SDC1: variants seen among roughly 807,000 people sequenced by gnomAD.
SDC1 encodes syndecan-1.
A neutral mutation model predicts 29.7 loss-of-function variants in SDC1; 14 were observed. That is an observed-to-expected ratio of 0.47 (90% CI 0.31 to 0.74). The LOEUF (loss-of-function observed/expected upper bound fraction) is 0.74, where lower values mean the gene tolerates loss of function less well. Ranked by LOEUF, SDC1 falls within the 30% of genes least tolerant of loss-of-function variation. The pLI, the probability that SDC1 is intolerant of heterozygous loss-of-function variation, is 0.05. For synonymous variants in SDC1, 204 were observed against 175.5 expected (o/e 1.16, Z -1.29); for missense variants, 406 against 400.3 (o/e 1.01, Z -0.12).
Position 20,203,195 on chromosome 2 carries a change from T to C in SDC1, c.655A>G (p.Asn219Asp). ...GGCTCCACGGCCACTACAGCCGTAT[T>C]CTCCCCCGAGGTTTCAAAGGTGAAG... ...QDFTFETSGE[N>D]TAVVAVEPDR... The change falls in exon 4 of 5, where the codon AAT (asparagine) becomes GAT (aspartate). Residue 219 changes from asparagine to aspartate, a missense_variant. Asn to Asp is a conservative substitution (Grantham distance 23). Coordinates refer to ENST00000254351, the MANE Select transcript of SDC1 (RefSeq NM_002997.5). The C allele has an allele frequency of 1.2e-6, 2 of 1,610,766 alleles. No individual in the cohort carries two copies. The highest frequency in any genetic ancestry group is 1.7e-6 in the Non-Finnish European group (2 of 1,177,994).
At chr2:20,205,483 G>C (rs1331134342) in intron 1 of SDC1, 59 bp from the exon 2 acceptor site, 6 of 1,419,986 alleles carry the variant, frequency 4.2e-6, no homozygotes, top group Non-Finnish European at 6.0e-6. Flanking sequence ...TGCTGCTCCT[G>C]GGTCCTCTCC....
chr2:20,218,534 CACACACACAG>C (rs1677706588), intron 1 of SDC1, among the ~76,000 whole-genome samples: 1 of 144,970 alleles, frequency 6.9e-6, no homozygotes, highest in East Asian at 2.1e-4. Context: ...CACAGACACA[CACACACACAG>C]ACACACACAC....
intron 1 of SDC1, among the ~76,000 whole-genome samples, chr2:20,212,494 G>C (rs1241062541): frequency 6.6e-6 from 1 of 152,188 alleles, no homozygotes; most frequent in African/African-American, 2.4e-5. Flanking sequence ...AACACAGCCC[G>C]CCAGGGAGGC....
At chr2:20,212,971 A>G (rs536174211) in intron 1 of SDC1, among the ~76,000 whole-genome samples, 100 of 152,322 alleles carry the variant, frequency 6.6e-4, no homozygotes, top group Non-Finnish European at 1.1e-3. Flanking sequence ...AGGGCTTTAC[A>G]GATGGGAAGC....
intron 1 of SDC1, among the ~76,000 whole-genome samples, chr2:20,212,543 G>A (rs886190829): frequency 1.8e-4 from 27 of 152,210 alleles, no homozygotes; most frequent in African/African-American, 5.5e-4. Context: ...CTCCAGACCC[G>A]AAATCCCCCA....
chr2:20,223,260 A>T (rs1677878192), intron 1 of SDC1: 1 of 1,300,704 alleles, frequency 7.7e-7, no homozygotes, highest in Non-Finnish European at 1.0e-6. Flanking sequence ...TCCCTACCTC[A>T]TCTCCCATGA....
rs1677881437 is a variant in SDC1, at chr2:20,223,337, G to A, written c.66+1465C>T. On this transcript the variant is annotated intron_variant, in intron 1 of 4. Coordinates refer to ENST00000254351, the MANE Select transcript of SDC1 (RefSeq NM_002997.5). ...ACTGGCAGCTACTACACGAGGCAAC[G>A]CTTACGGAGGGTCAGCGCTGCTGAG... 9 of 1,263,228 alleles carry A rather than the reference G, an allele frequency of 7.1e-6. No individual in the cohort carries two copies. In the African/African-American group the frequency reaches 7.7e-5, roughly 11 times the overall value. 78.3% of individuals were successfully genotyped at this position (1,263,228 alleles called of 1,614,324 possible).
chr2:20,202,440 T>TC lies in SDC1; in HGVS notation c.*325dup, dbSNP rs1257089381. On this transcript the variant is annotated 3_prime_UTR_variant, in exon 5 of 5. Transcript: ENST00000254351. ...GCCATTTAGGTCCAAAGCAGTCGGA[T>TC]CCCCCTCCCCTCCAGAGCTGGACCT... 1.6e-4 allele frequency: 98 copies of TC among 605,538 alleles called. No homozygotes were observed. The African/African-American group carries it at 1.6e-3, about 10-fold the overall frequency. The allele number at this position is 605,538 out of a possible 1,614,324, so 37.5% of individuals were successfully genotyped here.
rs372133355 is a variant in SDC1, at chr2:20,212,353, C to T, written c.67-6929G>A. 2.7e-4 allele frequency among the ~76,000 whole-genome samples: 41 copies of T among 152,326 alleles called. No homozygotes were observed. The South Asian group carries it at 7.9e-3, about 29-fold the overall frequency. On this transcript the variant is annotated intron_variant, in intron 1 of 4. Transcript: ENST00000254351. Reference sequence around the variant, plus strand: ...GAGGTTTGGCCAAAATGGTGGGACTCGTGGGAGTAGGCAGCAGGGCAGGGC... The same window carrying T: ...GAGGTTTGGCCAAAATGGTGGGACTTGTGGGAGTAGGCAGCAGGGCAGGGC...
In SDC1 at chr2:20,205,401, G is replaced by A. The variant is rs374157862; in HGVS notation, c.90C>T (p.Pro30=). Residue 30 remains proline, a synonymous_variant, in exon 2 of 5, where the codon CCC becomes CCT. Transcript: ENST00000254351. ...CCCCAGAGCCATCTTGATCTTCAGG[G>A]GGCAAATTAGTAGCCACAATTTGCT... ...ALPQIVATNL[P]PEDQDGSGDD... 1.2e-6 allele frequency: 2 copies of A among 1,613,992 alleles called. No homozygotes were observed. Among genetic ancestry groups the A allele is most frequent in the East Asian group, 2.2e-5 (1 of 44,876 alleles).
Position 20,202,873 on chromosome 2 carries a change from A to G in SDC1, c.826T>C (p.Tyr276His). The G allele has an allele frequency of 1.2e-6, 2 of 1,613,770 alleles. No individual in the cohort carries two copies. Among genetic ancestry groups the G allele is most frequent in the South Asian group, 2.2e-5 (2 of 91,036 alleles). Reference sequence around the variant, plus strand: ...CCTTCGTCCTTCTTCTTCATGCGGTACAGCATGAAACCCACCAGGCACACA... The same window carrying G: ...CCTTCGTCCTTCTTCTTCATGCGGTGCAGCATGAAACCCACCAGGCACACA... The part of the protein sequence containing the change: ...FAVCLVGFML[Y>H]RMKKKDEGSY... The change falls in exon 5 of 5, where the codon TAC becomes CAC. Residue 276 changes from tyrosine (Y) to histidine (H), a missense_variant. Transcript: ENST00000254351.
chr2:20,207,352 A>G (rs1572463650), intron 1 of SDC1: 3 of 962,798 alleles, frequency 3.1e-6, no homozygotes, highest in Non-Finnish European at 3.7e-6. Flanking sequence ...CATCTACAGT[A>G]ACAAGTCACA....
chr2:20,210,479 C>T (rs566877643), intron 1 of SDC1, among the ~76,000 whole-genome samples: 4 of 152,282 alleles, frequency 2.6e-5, no homozygotes, highest in African/African-American at 7.2e-5. Context: ...CTTGAAGCCC[C>T]CAAACCAACT....
At position 20,201,915 on chromosome 2, in the gene SDC1, C is replaced by T. The variant is rs935828842; in HGVS notation, c.*851G>A. The stretch of plus-strand genomic sequence containing the variant: ...GGCCCTGAGCGCATGGACACAGGCA[C>T]GACTGCTTGAAAGAGGCGGCGGCCC... On this transcript the variant is annotated 3_prime_UTR_variant, in exon 5 of 5. Transcript: ENST00000254351. 1.6e-5 allele frequency: 4 copies of T among 242,928 alleles called. No individual in the cohort carries two copies. The highest frequency in any genetic ancestry group is 2.3e-5 in the Non-Finnish European group (3 of 127,818). The allele number at this position is 242,928 out of a possible 1,614,324, so 15.0% of individuals were successfully genotyped here.
chr2:20,219,421 C>T (rs1199492695), intron 1 of SDC1, among the ~76,000 whole-genome samples: 3 of 152,232 alleles, frequency 2.0e-5, no homozygotes, highest in African/African-American at 7.2e-5. Flanking sequence ...GCCCCATGAC[C>T]ACCTGCAGCT....
intron 2 of SDC1, among the ~76,000 whole-genome samples, chr2:20,204,864 C>G (rs981400661): frequency 1.4e-4 from 22 of 152,188 alleles, no homozygotes; most frequent in African/African-American, 5.3e-4. Context: ...CTTCTCTCCC[C>G]CAGTCCCCCA....
In SDC1 at chr2:20,225,010, C is replaced by T. The variant is rs1677946869; in HGVS notation, c.-143G>A. 1.3e-5 allele frequency: 14 copies of T among 1,037,476 alleles called. No homozygotes were observed. The highest frequency in any genetic ancestry group is 1.6e-5 in the Non-Finnish European group (13 of 829,218). The allele number at this position is 1,037,476 out of a possible 1,614,324, so 64.3% of individuals were successfully genotyped here. A position where few individuals can be genotyped will look rare whatever the true frequency, so the allele number is the denominator to read the frequency against. ...AGGCGAGGGCTGCAGGGTCCGCCGG[C>T]TGGAGTCCGCTCTCTACTGCCGGAT... On this transcript the variant is annotated 5_prime_UTR_variant, in exon 1 of 5. Coordinates refer to ENST00000254351, the MANE Select transcript of SDC1 (RefSeq NM_002997.5).
chr2:20,223,747 C>T (rs1337620665), intron 1 of SDC1, among the ~76,000 whole-genome samples: 2 of 152,232 alleles, frequency 1.3e-5, no homozygotes, highest in Admixed American at 6.5e-5. Flanking sequence ...GAGAACAAAG[C>T]GCCCCCATTG....
Position 20,203,067 on chromosome 2 carries a change from C to T in SDC1, c.763+20G>A, listed in dbSNP as rs1572457940. On this transcript the variant is annotated intron_variant, in intron 4 of 4. Transcript: ENST00000254351. Reference sequence around the variant, plus strand: ...ACAGCAGCAATTCACCCCAAACTACCCCCCTGAAAGAAAACTCACCTCCCA... The same window carrying T: ...ACAGCAGCAATTCACCCCAAACTACTCCCCTGAAAGAAAACTCACCTCCCA... 6.3e-7 allele frequency: 1 copy of T among 1,586,634 alleles called. No homozygotes were observed. Among genetic ancestry groups the T allele is most frequent in the African/African-American group, 1.3e-5 (1 of 74,236 alleles).
Sources: allele counts gnomAD v4.1 joint callset (sites outside exome capture counted in the v4.1 genomes callset), GRCh38; gene constraint gnomAD v4.1.1; transcripts MANE v1.5; gene names NCBI Gene and HGNC (gene_info 2026-07-23, HGNC 2026-07-21).